Variants in SEMA3D observed in about 807,000 individuals in gnomAD.
SEMA3D encodes the protein semaphorin-3D.
A neutral mutation model predicts 100.1 loss-of-function variants in SEMA3D; 84 were observed. The ratio of observed to expected loss-of-function variants is 0.84; its 90% CI spans 0.70 to 1.01. The LOEUF is 1.01. Ranked by LOEUF, SEMA3D falls within the 50% of genes least tolerant of loss-of-function variation. The pLI is 0.00. For missense variants in SEMA3D, 875 were observed against 934.1 expected (o/e 0.94, Z 0.82); for synonymous variants, 312 against 320.7 (o/e 0.97, Z 0.29).
chr7:85,142,583 G>C, intron 2 of SEMA3D: 1 of 983,960 alleles, frequency 1.0e-6, no homozygotes, highest in African/African-American at 1.7e-5. Context: ...ACGTAGACAA[G>C]TTTTAGGAAG....
At chr7:85,083,885 C>G (rs1208570118) in intron 4 of SEMA3D, among the ~76,000 whole-genome samples, 6 of 147,318 alleles carry the variant, frequency 4.1e-5, no homozygotes, top group Non-Finnish European at 7.4e-5. Flanking sequence ...TGGTGGCTCA[C>G]GCCTCTAATC....
intron 2 of SEMA3D, among the ~76,000 whole-genome samples, chr7:85,146,370 C>A (rs1047403525): frequency 7.9e-5 from 12 of 151,846 alleles, no homozygotes; most frequent in Admixed American, 3.9e-4. Context: ...GCCTGGCCAA[C>A]ATGGTGAAAC....
At chr7:85,085,516 G>A (rs996289000) in intron 4 of SEMA3D, among the ~76,000 whole-genome samples, 6 of 152,128 alleles carry the variant, frequency 3.9e-5, no homozygotes, top group African/African-American at 1.2e-4. Context: ...GCACCAAGTA[G>A]TTACTCTTCA....
In SEMA3D at chr7:84,997,389, T is replaced by TATA. The variant is rs1168454849; in HGVS notation, c.*2048_*2050dup. ...CTGGAATATTTTGTCCAAGCAAATC[T>TATA]ATAATTACAAACACTGTTGTTACGC... On this transcript the variant is annotated 3_prime_UTR_variant, in exon 19 of 19. Coordinates refer to ENST00000284136, the MANE Select transcript of SEMA3D (RefSeq NM_001384900.1). The TATA allele has an allele frequency of 6.6e-6, 1 of 152,106 alleles. No homozygotes were observed. Among genetic ancestry groups the TATA allele is most frequent in the African/African-American group, 2.4e-5 (1 of 41,454 alleles). The allele number at this position is 152,106 out of a possible 1,614,324, so 9.4% of individuals were successfully genotyped here. A position where few individuals can be genotyped will look rare whatever the true frequency, so the allele number is the denominator to read the frequency against.
intron 7 of SEMA3D, among the ~76,000 whole-genome samples, chr7:85,067,509 C>T (rs1317158775): frequency 6.6e-6 from 1 of 151,696 alleles, no homozygotes; most frequent in Non-Finnish European, 1.5e-5. Context: ...AAACATTTGA[C>T]AGACAAGTTA....
At chr7:85,113,117 A>G (rs1262509549) in intron 3 of SEMA3D, among the ~76,000 whole-genome samples, 1 of 152,198 alleles carries the variant, frequency 6.6e-6, no homozygotes, top group African/African-American at 2.4e-5. Flanking sequence ...TTATTGTGCA[A>G]TTTAAGAAGA....
chr7:85,112,268 A>G, intron 3 of SEMA3D, among the ~76,000 whole-genome samples: 1 of 152,156 alleles, frequency 6.6e-6, no homozygotes, highest in East Asian at 1.9e-4. Context: ...AGCCTTACTT[A>G]TTCATTTTTT....
chr7:85,002,494 T>C (rs1444955825), intron 18 of SEMA3D, among the ~76,000 whole-genome samples: 1 of 152,188 alleles, frequency 6.6e-6, no homozygotes, highest in Non-Finnish European at 1.5e-5. Context: ...ATTTGCCTAC[T>C]TTCCAGTCTC....
chr7:85,095,385 T>C (rs1251266366), intron 4 of SEMA3D, among the ~76,000 whole-genome samples: 1 of 148,552 alleles, frequency 6.7e-6, no homozygotes, highest in African/African-American at 2.4e-5. Context: ...AATTGAGTAT[T>C]TTCTACAGAT....
chr7:85,057,691 G>C (rs1489299046), intron 8 of SEMA3D, among the ~76,000 whole-genome samples: 1 of 152,170 alleles, frequency 6.6e-6, no homozygotes, highest in Non-Finnish European at 1.5e-5. Context: ...CCAGCACTTT[G>C]GGAGGCTGAG....
chr7:85,244,434 A>G, the SEMA3D span, among the ~76,000 whole-genome samples: 1 of 152,174 alleles, frequency 6.6e-6, no homozygotes, highest in Non-Finnish European at 1.5e-5. Context: ...TCAGAGGGGC[A>G]TAATCAAACT....
At chr7:85,208,579 T>C in the SEMA3D span, among the ~76,000 whole-genome samples, 2 of 152,066 alleles carry the variant, frequency 1.3e-5, no homozygotes, top group African/African-American at 4.8e-5. Context: ...TTGGTATTTG[T>C]CAAAATATAA....
In SEMA3D at chr7:85,065,439, G is replaced by A. The variant is rs748469336; in HGVS notation, c.703C>T (p.His235Tyr). The A allele has an allele frequency of 6.2e-7, 1 of 1,613,272 alleles. No homozygotes were observed. The highest frequency in any genetic ancestry group is 1.7e-5 in the Admixed American group (1 of 59,916). ...HHYIRTDISE[H>Y]YWLNGAKFIG... ...AATCACAAACCATTGAGCCAGTAGT[G>A]CTCTGAAATGTCAGTTCTGATGTAG... Residue 235 changes from histidine to tyrosine, a missense_variant, in exon 8 of 19, where the codon CAC becomes TAC. By Grantham distance (83) the His-to-Tyr change is moderately conservative. Coordinates refer to ENST00000284136, the MANE Select transcript of SEMA3D (RefSeq NM_001384900.1).
At chr7:85,249,185 C>T in the SEMA3D span, among the ~76,000 whole-genome samples, 1 of 152,062 alleles carries the variant, frequency 6.6e-6, no homozygotes, top group Non-Finnish European at 1.5e-5. Flanking sequence ...AACAAAAAAC[C>T]TATTGAATGA....
At chr7:85,202,339 G>A in the SEMA3D span, among the ~76,000 whole-genome samples, 1 of 151,552 alleles carries the variant, frequency 6.6e-6, no homozygotes, top group Non-Finnish European at 1.5e-5. Context: ...ATAGCTTACT[G>A]AGAATGATGA....
chr7:85,086,170 T>G (rs553029076), intron 4 of SEMA3D, among the ~76,000 whole-genome samples: 5 of 152,282 alleles, frequency 3.3e-5, no homozygotes, highest in Non-Finnish European at 5.9e-5. Flanking sequence ...AGAATTACCT[T>G]AAGCAAAAAC....
intron 12 of SEMA3D, chr7:85,029,247 A>G (rs1790477445): frequency 2.6e-6 from 2 of 767,234 alleles, no homozygotes; most frequent in African/African-American, 3.4e-5. Context: ...TGCCAAGGGC[A>G]TCCTCAATGT....
intron 18 of SEMA3D, among the ~76,000 whole-genome samples, chr7:85,001,722 A>C (rs1159961667): frequency 6.6e-6 from 1 of 152,152 alleles, no homozygotes; most frequent in African/African-American, 2.4e-5. Flanking sequence ...TGGGGGATTA[A>C]AAGCAAAGCT....
At chr7:85,179,201 T>C (rs1356532156) in intron 1 of SEMA3D, among the ~76,000 whole-genome samples, 1 of 152,088 alleles carries the variant, frequency 6.6e-6, no homozygotes, top group East Asian at 1.9e-4. Context: ...GAGCCTCCTG[T>C]AGGGGCACTG....
Sources: gnomAD v4.1 joint callset for allele counts (sites outside exome capture counted in the v4.1 genomes callset) on GRCh38, gnomAD v4.1.1 for gene constraint, MANE v1.5 for transcripts, NCBI Gene and HGNC (gene_info 2026-07-23, HGNC 2026-07-21) for gene names.